Variants in MRC1 observed in about 807,000 individuals in gnomAD.
The protein encoded by MRC1 is mannose receptor C-type 1.
In MRC1, 62 loss-of-function variants were observed where a neutral mutation model predicts 102.9. That is an observed-to-expected ratio of 0.60 (90% CI 0.49 to 0.74). MRC1 has a LOEUF of 0.74. MRC1 is among the 30% of genes least tolerant of loss of function. The pLI is 0.00. For missense variants in MRC1, 1,237 were observed against 862.8 expected, an observed-to-expected ratio of 1.43 and a Z score of -5.43; for synonymous variants, 457 against 298.4, an observed-to-expected ratio of 1.53 and a Z score of -5.48.
chr10:17,881,023 C>A, intron 20 of MRC1, 44 bp from the exon 21 acceptor site: 3 of 779,436 alleles, frequency 3.8e-6, no homozygotes, highest in South Asian at 2.7e-5. Flanking sequence ...CTTTAGTTAA[C>A]CCCTGCAGTT....
intron 2 of MRC1, 144 bp downstream of exon 2, chr10:17,823,619 G>A (rs1474393915): frequency 1.4e-6 from 1 of 707,774 alleles, no homozygotes; most frequent in African/African-American, 1.8e-5. Flanking sequence ...CAACTATTCT[G>A]TAGGACTATT....
chr10:17,869,686 G>A (rs887004373), intron 12 of MRC1, among the ~76,000 whole-genome samples: 1 of 152,144 alleles, frequency 6.6e-6, no homozygotes, highest in Non-Finnish European at 1.5e-5. Context: ...GTGTTTGCAT[G>A]TGCTTCAGTA....
rs377250540 is a variant in MRC1 at position 17,823,198 on chromosome 10, C to T, written c.186C>T (p.Ser62=). Residue 62 remains serine (S), a synonymous_variant, in exon 2 of 30, where the codon TCC becomes TCT. Transcript: ENST00000569591. The part of the protein sequence containing the change: ...DAESQKFRWV[S]ESQIMSVAFK... ...AATCACAGAAATTCCGATGGGTGTC[C>T]GAATCTCAGATTATGAGTGTTGCAT... is the stretch of plus-strand genomic sequence containing the variant. 31 of 780,638 alleles carry T rather than the reference C, an allele frequency of 4.0e-5. No homozygotes were observed. The highest frequency in any genetic ancestry group is 6.2e-5 in the Non-Finnish European group (26 of 417,954). The allele number at this position is 780,638 out of a possible 1,614,324, so 48.4% of individuals were successfully genotyped here. A position where few individuals can be genotyped will look rare whatever the true frequency, so the allele number is the denominator to read the frequency against.
chr10:17,813,682 TTA>T (rs1160018461), intron 1 of MRC1, among the ~76,000 whole-genome samples: 2,311 of 123,992 alleles, frequency 0.019, 55 homozygotes, highest in African/African-American at 0.06. Flanking sequence ...CACACACACA[TTA>T]TATATATATA....
chr10:17,890,593 A>G (rs1212399746), intron 22 of MRC1, among the ~76,000 whole-genome samples: 1 of 152,184 alleles, frequency 6.6e-6, no homozygotes, highest in Non-Finnish European at 1.5e-5. Context: ...TAGAGCCCTT[A>G]GCATATTATT....
intron 12 of MRC1, among the ~76,000 whole-genome samples, chr10:17,869,539 G>T (rs1424287617): frequency 6.6e-6 from 1 of 152,144 alleles, no homozygotes; most frequent in African/African-American, 2.4e-5. Flanking sequence ...TTGCATACTG[G>T]TGGGTGTGTC....
At chr10:17,908,072 A>G (rs1554844001) in intron 28 of MRC1, among the ~76,000 whole-genome samples, 1 of 152,190 alleles carries the variant, frequency 6.6e-6, no homozygotes, top group Non-Finnish European at 1.5e-5. Flanking sequence ...GAGGGATCAG[A>G]ATTGATTGTG....
chr10:17,848,893 C>T (rs1018490747), intron 6 of MRC1, among the ~76,000 whole-genome samples: 5 of 152,054 alleles, frequency 3.3e-5, no homozygotes, highest in African/African-American at 4.8e-5. Context: ...CCTTGGAGAC[C>T]GTTTGTCCCC....
intron 12 of MRC1, among the ~76,000 whole-genome samples, chr10:17,868,851 G>A (rs1337856128): frequency 1.3e-5 from 2 of 152,154 alleles, no homozygotes; most frequent in East Asian, 1.9e-4. Flanking sequence ...CATAGAAGGC[G>A]ATGTATTGGG....
At chr10:17,843,471 G>A (rs1366663582) in intron 5 of MRC1, among the ~76,000 whole-genome samples, 1 of 152,068 alleles carries the variant, frequency 6.6e-6, no homozygotes, top group South Asian at 2.1e-4. Flanking sequence ...TTCAAGACCA[G>A]CCTGGTCAAG....
intron 26 of MRC1, among the ~76,000 whole-genome samples, chr10:17,905,336 C>A (rs969567816): frequency 4.6e-5 from 7 of 152,280 alleles, no homozygotes; most frequent in African/African-American, 1.4e-4. Context: ...TGAATTATTG[C>A]AAGCCTTTGA....
intron 18 of MRC1, 130 bp downstream of exon 18, chr10:17,878,097 ACTTG>A: frequency 6.2e-6 from 4 of 646,974 alleles, no homozygotes; most frequent in Admixed American, 2.8e-5. Context: ...TGAAAAAGCA[ACTTG>A]AAAAAAGGAA....
chr10:17,845,931 A>G (rs1448304916), intron 6 of MRC1, among the ~76,000 whole-genome samples: 14 of 152,318 alleles, frequency 9.2e-5, no homozygotes, highest in African/African-American at 3.4e-4. Context: ...ATTTATTGAG[A>G]CAGAGTCTCA....
Position 17,845,455 on chromosome 10 carries a change from T to C in MRC1, c.1063+20T>C, listed in dbSNP as rs913441186. 1.3e-6 allele frequency: 1 copy of C among 780,782 alleles called. No homozygotes were observed. Among genetic ancestry groups the C allele is most frequent in the South Asian group, 1.3e-5 (1 of 74,608 alleles). 48.4% of individuals were successfully genotyped at this position (780,782 alleles called of 1,614,324 possible). A position where few individuals can be genotyped will look rare whatever the true frequency, so the allele number is the denominator to read the frequency against. On this transcript the variant is annotated intron_variant, in intron 6 of 29. Transcript: ENST00000569591. ...CCTCAGGTAAGTGATCTATGGGATCTGAAGTGCCTCAACTATTAGAATTGA... is the reference window on the plus strand; with the variant it reads ...CCTCAGGTAAGTGATCTATGGGATCCGAAGTGCCTCAACTATTAGAATTGA...
intron 9 of MRC1, among the ~76,000 whole-genome samples, chr10:17,857,063 G>A (rs946435361): frequency 2.0e-5 from 3 of 151,916 alleles, no homozygotes; most frequent in Admixed American, 1.3e-4. Context: ...TTCCCTAAGA[G>A]TATTATGTTG....
intron 16 of MRC1, among the ~76,000 whole-genome samples, chr10:17,874,279 C>T (rs1290821070): frequency 6.6e-6 from 1 of 152,204 alleles, no homozygotes; most frequent in South Asian, 2.1e-4. Flanking sequence ...TTTCCAGCAT[C>T]TAGAGCTACA....
chr10:17,865,099 C>G (rs1833245725), intron 11 of MRC1, among the ~76,000 whole-genome samples: 3 of 152,202 alleles, frequency 2.0e-5, no homozygotes, highest in Non-Finnish European at 4.4e-5. Flanking sequence ...TGACAACACA[C>G]AGAGAAATTT....
At chr10:17,824,620 G>A (rs1380926698) in intron 2 of MRC1, among the ~76,000 whole-genome samples, 1 of 152,092 alleles carries the variant, frequency 6.6e-6, no homozygotes, top group Non-Finnish European at 1.5e-5. Flanking sequence ...GAAGTGATAT[G>A]AGGGGCAAGC....
chr10:17,870,718 T>C (rs1207480163), intron 13 of MRC1, 130 bp from the exon 14 acceptor site: 11 of 775,090 alleles, frequency 1.4e-5, no homozygotes, highest in African/African-American at 1.4e-4. Flanking sequence ...TATTTAGCTG[T>C]TAAATCTCTT....
Sources: allele counts gnomAD v4.1 joint callset (sites outside exome capture counted in the v4.1 genomes callset), GRCh38; gene constraint gnomAD v4.1.1; transcripts MANE v1.5; gene names NCBI Gene and HGNC (gene_info 2026-07-23, HGNC 2026-07-21).